TRAK2: variants seen among roughly 807,000 people sequenced by gnomAD.
TRAK2 encodes trafficking kinesin-binding protein 2.
TRAK2 carries 81 observed loss-of-function variants against 104.6 expected under a neutral mutation model. That is an observed-to-expected ratio of 0.77 (90% CI 0.65 to 0.93). The LOEUF (loss-of-function observed/expected upper bound fraction) is 0.93, where lower values mean the gene tolerates loss of function less well. TRAK2 is among the 40% of genes least tolerant of loss of function. The pLI is 0.00. For missense variants in TRAK2, 1,002 were observed against 1,089.0 expected (o/e 0.92, Z 1.12); for synonymous variants, 406 against 394.4 (o/e 1.03, Z -0.35).
chr2:201,414,247 T>G (rs562265012), intron 2 of TRAK2, among the ~76,000 whole-genome samples: 1 of 152,174 alleles, frequency 6.6e-6, no homozygotes, highest in Non-Finnish European at 1.5e-5. Flanking sequence ...GTACTGCCCA[T>G]CATTTAACAC....
Position 201,389,839 on chromosome 2 carries a change from CT to C in TRAK2, c.1154del (p.Lys385SerfsTer2), listed in dbSNP as rs1162053190. 4 of 1,613,856 alleles carry C rather than the reference CT, an allele frequency of 2.5e-6. No individual in the cohort carries two copies. Among genetic ancestry groups the C allele is most frequent in the Non-Finnish European group, 3.4e-6 (4 of 1,179,924 alleles). On this transcript the variant is annotated frameshift_variant, in exon 11 of 16. Transcript: ENST00000332624. LOFTEE classifies it high-confidence loss of function. ...AAEIEGTMRK[K>X]LSLDEESSLF... ...GAGAAGATTCCTCATCCAAACTCAG[CT>C]TTTTACGCATAGTCCCCTCAATCTC...
chr2:201,425,128 T>C (rs548562040), intron 1 of TRAK2, among the ~76,000 whole-genome samples: 2 of 152,318 alleles, frequency 1.3e-5, no homozygotes, highest in Admixed American at 1.3e-4. Context: ...AAGGACTTCA[T>C]AGTCCACAGA....
chr2:201,408,954 T>C (rs546659101), intron 2 of TRAK2, among the ~76,000 whole-genome samples: 1 of 152,332 alleles, frequency 6.6e-6, no homozygotes, highest in East Asian at 1.9e-4. Context: ...AAAGAAGTGG[T>C]ACATCTAAAT....
rs1951974817 is a variant in TRAK2, at chr2:201,447,688, A to G, written c.-200+3662T>C. 6.6e-6 allele frequency among the ~76,000 whole-genome samples: 1 copy of G among 152,166 alleles called. No homozygotes were observed. ...ACCCTAACGGCTTCATCTGAACTTA[A>G]TCACCCCAAAGCCCTGTCTCCAAAT... On this transcript the variant is annotated intron_variant, in intron 1 of 15. Transcript: ENST00000332624. The surrounding 1 kb of genome is among the most constrained non-coding windows in gnomAD (Gnocchi z 4.1).
At chr2:201,395,571 C>A in intron 7 of TRAK2, 127 bp from the exon 8 acceptor site, 2 of 962,638 alleles carry the variant, frequency 2.1e-6, no homozygotes, top group Non-Finnish European at 1.4e-6. Context: ...TTTTCTTAAA[C>A]ATAAAAAAAA....
rs1576503485 is a variant in TRAK2, at chr2:201,384,137, G to A, written c.2043C>T (p.Pro681=). The A allele has an allele frequency of 1.9e-6, 3 of 1,613,146 alleles. 1 individual carries two copies. Among genetic ancestry groups the A allele is most frequent in the Non-Finnish European group, 2.5e-6 (3 of 1,179,484 alleles). Reference sequence around the variant, plus strand: ...TGGGGGTAACCTGAGTGATGTCAGAGGGATGTAATATTCTACAGGTGGTGA... The same window carrying A: ...TGGGGGTAACCTGAGTGATGTCAGAAGGATGTAATATTCTACAGGTGGTGA... The part of the protein sequence containing the change: ...FTFTTCRILH[P]SDITQVTPSS... The change falls in exon 15 of 16, where the codon CCC becomes CCT. Residue 681 remains proline (P), a synonymous_variant. Coordinates refer to ENST00000332624, the MANE Select transcript of TRAK2 (RefSeq NM_015049.3).
At chr2:201,437,113 T>C (rs1023514240) in intron 1 of TRAK2, among the ~76,000 whole-genome samples, 6 of 152,206 alleles carry the variant, frequency 3.9e-5, no homozygotes, top group African/African-American at 1.4e-4. Context: ...TAACATGCAA[T>C]AGACGCCTTT....
intron 2 of TRAK2, among the ~76,000 whole-genome samples, chr2:201,419,017 T>A (rs1288830335): frequency 6.6e-6 from 1 of 152,188 alleles, no homozygotes; most frequent in Non-Finnish European, 1.5e-5. Context: ...AATTCAACAC[T>A]TACATTTCAA....
rs202217856 is a variant in TRAK2, at chr2:201,389,517, A to C, written c.1194-14T>G. The C allele has an allele frequency of 6.2e-7, 1 of 1,612,654 alleles. No homozygotes were observed. The highest frequency in any genetic ancestry group is 1.7e-5 in the Admixed American group (1 of 59,992). ...TTCTGTTGGGCTCTGTCAAAAAAGG[A>C]AGTGTTCGTTATTATCACTGCTAGC... is the stretch of plus-strand genomic sequence containing the variant. On this transcript the variant is annotated splice_polypyrimidine_tract_variant and intron_variant, in intron 11 of 15. Transcript: ENST00000332624.
In TRAK2 at chr2:201,413,174, T is replaced by C. The variant is rs1212045880; in HGVS notation, c.92-5577A>G. ...TTGTGCCATTAAAAATCTTCCAAGC[T>C]AGCCCACTGCCACCACTGGCAATGT... On this transcript the variant is annotated intron_variant, in intron 2 of 15. Transcript: ENST00000332624. 2.0e-6 allele frequency: 3 copies of C among 1,506,854 alleles called. No homozygotes were observed. The African/African-American group carries it at 4.1e-5, about 21-fold the overall frequency. 93.3% of individuals were successfully genotyped at this position (1,506,854 alleles called of 1,614,324 possible). A position where few individuals can be genotyped will look rare whatever the true frequency, so the allele number is the denominator to read the frequency against.
At chr2:201,407,325 G>T in intron 3 of TRAK2, 78 bp downstream of exon 3, 1 of 1,266,198 alleles carries the variant, frequency 7.9e-7, no homozygotes, top group Non-Finnish European at 1.1e-6. Flanking sequence ...CTAAACATCA[G>T]TGCTTTAAAA....
intron 1 of TRAK2, among the ~76,000 whole-genome samples, chr2:201,440,215 AT>A (rs956674446): frequency 1.5e-4 from 23 of 149,804 alleles, no homozygotes; most frequent in East Asian, 1.2e-3. Flanking sequence ...CCAAATTGCT[AT>A]TTTTTTTTTA....
At chr2:201,420,732 G>GA in intron 1 of TRAK2, 26 bp from the exon 2 acceptor site, 1 of 429,016 alleles carries the variant, frequency 2.3e-6, no homozygotes. Flanking sequence ...CAAGTGACTA[G>GA]AACTCAGCAT....
At chr2:201,416,508 G>T (rs2125653046) in intron 2 of TRAK2, among the ~76,000 whole-genome samples, 1 of 152,206 alleles carries the variant, frequency 6.6e-6, no homozygotes, top group South Asian at 2.1e-4. Context: ...AGGCAAAAAG[G>T]ATATGGAATG....
chr2:201,381,282 C>T (rs1951342795), intron 15 of TRAK2, 64 bp from the exon 16 acceptor site: 2 of 1,425,968 alleles, frequency 1.4e-6, no homozygotes, highest in Admixed American at 2.6e-5. Flanking sequence ...TCCAAGCTGG[C>T]ATTTAAAGAA....
At position 201,394,343 on chromosome 2, in the gene TRAK2, C is replaced by T. The variant is rs74641227; in HGVS notation, c.975+455G>A. ...ACTTTTAAAATGCTTTATTCTTTTTCTTTCTTTTTTTTTTTTTGAGACGAA... is the reference window on the plus strand; with the variant it reads ...ACTTTTAAAATGCTTTATTCTTTTTTTTTCTTTTTTTTTTTTTGAGACGAA... On this transcript the variant is annotated intron_variant, in intron 9 of 15. Coordinates refer to ENST00000332624, the MANE Select transcript of TRAK2 (RefSeq NM_015049.3). 1.1e-4 allele frequency among the ~76,000 whole-genome samples: 14 copies of T among 126,548 alleles called. 1 individual carries two copies. Among genetic ancestry groups the T allele is most frequent in the East Asian group, 2.6e-4 (1 of 3,884 alleles). 83.0% of individuals were successfully genotyped at this position (126,548 alleles called of 152,430 possible). A position where few individuals can be genotyped will look rare whatever the true frequency, so the allele number is the denominator to read the frequency against.
At chr2:201,402,703 A>G (rs1361611753) in intron 3 of TRAK2, among the ~76,000 whole-genome samples, 1 of 152,164 alleles carries the variant, frequency 6.6e-6, no homozygotes, top group Non-Finnish European at 1.5e-5. Context: ...TCTGGTCTCA[A>G]TAACAAAATT....
chr2:201,449,834 G>C (rs1024655270), intron 1 of TRAK2, among the ~76,000 whole-genome samples: 1 of 151,886 alleles, frequency 6.6e-6, no homozygotes, highest in Non-Finnish European at 1.5e-5. Flanking sequence ...TAGTAGAGAC[G>C]GGGTTTCACC....
intron 1 of TRAK2, among the ~76,000 whole-genome samples, chr2:201,436,903 T>G (rs2125661076): frequency 6.6e-6 from 1 of 152,160 alleles, no homozygotes; most frequent in East Asian, 1.9e-4. Flanking sequence ...CAGGATGGAG[T>G]ATTATAAACA....
Sources: allele counts gnomAD v4.1 joint callset (sites outside exome capture counted in the v4.1 genomes callset), GRCh38; gene constraint gnomAD v4.1.1; non-coding constraint Gnocchi (gnomAD v3.1); transcripts MANE v1.5; gene names NCBI Gene and HGNC (gene_info 2026-07-23, HGNC 2026-07-21).